Variants in NFIA observed in about 807,000 individuals in gnomAD.
NFIA encodes the protein nuclear factor 1 A-type.
Under a neutral mutation model 62.8 loss-of-function variants are expected in NFIA, and 8 were observed. The ratio of observed to expected loss-of-function variants is 0.13; its 90% confidence interval spans 0.07 to 0.23. The LOEUF is 0.23. NFIA is among the 10% of genes least tolerant of loss of function. NFIA has a pLI of 1.00. For missense variants in NFIA, 410 were observed against 642.1 expected, an observed-to-expected ratio of 0.64 and a Z score of 3.91; for synonymous variants, 235 against 238.1, an observed-to-expected ratio of 0.99 and a Z score of 0.12.
chr1:61,233,030 G>C (rs892531200), intron 2 of NFIA, among the ~76,000 whole-genome samples: 2 of 152,130 alleles, frequency 1.3e-5, no homozygotes, highest in Non-Finnish European at 2.9e-5. Flanking sequence ...TAAGCTCCTA[G>C]AGTGTGTATT....
At chr1:61,222,745 CAG>C (rs962068012) in intron 2 of NFIA, among the ~76,000 whole-genome samples, 7 of 152,100 alleles carry the variant, frequency 4.6e-5, no homozygotes, top group Admixed American at 2.6e-4. Flanking sequence ...GGTTTTAAGA[CAG>C]AATTCAACCT....
At chr1:61,121,324 TA>T (rs1257542123) in intron 2 of NFIA, among the ~76,000 whole-genome samples, 2 of 152,292 alleles carry the variant, frequency 1.3e-5, no homozygotes, top group Non-Finnish European at 2.9e-5. Flanking sequence ...GGTTTCTAGA[TA>T]GAAATTAGCA....
chr1:61,345,228 T>C (rs760519308), intron 4 of NFIA, among the ~76,000 whole-genome samples: 1 of 152,168 alleles, frequency 6.6e-6, no homozygotes, highest in Non-Finnish European at 1.5e-5. Context: ...TTAAGAAAAT[T>C]GAGGAGCCTT....
intron 2 of NFIA, among the ~76,000 whole-genome samples, chr1:61,121,147 A>G (rs1249820478): frequency 6.6e-6 from 1 of 152,198 alleles, no homozygotes; most frequent in African/African-American, 2.4e-5. Flanking sequence ...AAATGATGCA[A>G]TAGCTAAATA....
At chr1:61,161,483 C>T (rs901842109) in intron 2 of NFIA, among the ~76,000 whole-genome samples, 1 of 152,088 alleles carries the variant, frequency 6.6e-6, no homozygotes. Context: ...GAGGTGTTAG[C>T]TGGCAGCTGA....
chr1:61,436,421 A>T (rs964105312), intron 10 of NFIA, among the ~76,000 whole-genome samples: 1 of 152,100 alleles, frequency 6.6e-6, no homozygotes, highest in East Asian at 1.9e-4. Flanking sequence ...ATGCCCAAGA[A>T]ATTGGCCTTA....
chr1:61,454,643 C>G (rs575891624), intron 10 of NFIA, among the ~76,000 whole-genome samples: 84 of 152,256 alleles, frequency 5.5e-4, no homozygotes, highest in Non-Finnish European at 1.1e-3. Flanking sequence ...GGAGCATCTT[C>G]CCTCATAAAA....
intron 3 of NFIA, among the ~76,000 whole-genome samples, chr1:61,302,036 A>C (rs1351206691): frequency 4.6e-5 from 7 of 152,194 alleles, no homozygotes; most frequent in Non-Finnish European, 8.8e-5. Context: ...GTTGCTTAGG[A>C]CCAAAAGGGT....
At chr1:61,328,291 C>G (rs1557709287) in intron 3 of NFIA, among the ~76,000 whole-genome samples, 1 of 152,074 alleles carries the variant, frequency 6.6e-6, no homozygotes, top group African/African-American at 2.4e-5. Flanking sequence ...AATCCTCTGC[C>G]TGAAGAGCTC....
chr1:61,244,462 G>A (rs1175126349), intron 2 of NFIA, among the ~76,000 whole-genome samples: 1 of 152,186 alleles, frequency 6.6e-6, no homozygotes, highest in African/African-American at 2.4e-5. Context: ...GGGTCTGCCA[G>A]GATAGGTGAG....
chr1:61,118,802 A>G (rs1264059742), intron 2 of NFIA, among the ~76,000 whole-genome samples: 2 of 151,992 alleles, frequency 1.3e-5, no homozygotes, highest in Non-Finnish European at 2.9e-5. Flanking sequence ...CCACAGGGTT[A>G]CACAGAATAG....
At chr1:61,240,738 T>G (rs1655298595) in intron 2 of NFIA, among the ~76,000 whole-genome samples, 1 of 152,132 alleles carries the variant, frequency 6.6e-6, no homozygotes, top group Non-Finnish European at 1.5e-5. Context: ...CAAAACTATA[T>G]AGGTCTGGTA....
At chr1:61,352,381 T>G in intron 4 of NFIA, 69 bp from the exon 5 acceptor site, 2 of 1,071,866 alleles carry the variant, frequency 1.9e-6, no homozygotes, top group Non-Finnish European at 2.9e-6. Flanking sequence ...AATGCAACAC[T>G]GAGGATGCTG....
At chr1:61,132,304 G>A (rs1237860422) in intron 2 of NFIA, among the ~76,000 whole-genome samples, 1 of 152,072 alleles carries the variant, frequency 6.6e-6, no homozygotes, top group African/African-American at 2.4e-5. Context: ...ATGCTTCCTG[G>A]ATCCACCCGA....
chr1:61,231,860 AAAC>A (rs775565431), intron 2 of NFIA, among the ~76,000 whole-genome samples: 35 of 148,678 alleles, frequency 2.4e-4, no homozygotes, highest in South Asian at 6.4e-4. Context: ...ACAAACAAAC[AAAC>A]AACAACAACA....
chr1:61,283,536 C>A (rs112389260), intron 3 of NFIA, among the ~76,000 whole-genome samples: 11,403 of 132,666 alleles, frequency 0.086, 520 homozygotes, highest in East Asian at 0.17. Flanking sequence ...GAGCTGAGAT[C>A]ACACCACTGC....
chr1:61,286,708 C>T (rs2100298289), intron 3 of NFIA, among the ~76,000 whole-genome samples: 3 of 152,236 alleles, frequency 2.0e-5, no homozygotes, highest in Middle Eastern at 6.8e-3. Context: ...CTGATTAATA[C>T]ACATGTCACA....
chr1:61,116,288 C>G (rs1025800016), intron 2 of NFIA, among the ~76,000 whole-genome samples: 1 of 152,138 alleles, frequency 6.6e-6, no homozygotes, highest in Non-Finnish European at 1.5e-5. Context: ...AAATAACTTA[C>G]AGTACATATC....
intron 5 of NFIA, among the ~76,000 whole-genome samples, chr1:61,353,427 A>G (rs536868252): frequency 6.6e-6 from 1 of 152,326 alleles, no homozygotes; most frequent in Admixed American, 6.5e-5. Context: ...CCAGAGGGAA[A>G]GGGATTAGGC....
Sources: gnomAD v4.1 joint callset for allele counts (sites outside exome capture counted in the v4.1 genomes callset) on GRCh38, gnomAD v4.1.1 for gene constraint, MANE v1.5 for transcripts, NCBI Gene and HGNC (gene_info 2026-07-23, HGNC 2026-07-21) for gene names.